SEZ6L2: variants seen among roughly 807,000 people sequenced by gnomAD.
SEZ6L2 encodes the protein seizure related 6 homolog like 2, also known as seizure 6-like protein 2.
In SEZ6L2, 44 loss-of-function variants were observed where a neutral mutation model predicts 97.0. That is an observed-to-expected ratio of 0.45 (90% CI 0.36 to 0.58). SEZ6L2 has a LOEUF of 0.58. SEZ6L2 is among the 20% of genes least tolerant of loss of function. SEZ6L2 has a pLI of 0.00. For synonymous variants in SEZ6L2, 543 were observed against 546.1 expected (o/e 0.99, Z 0.08); for missense variants, 1,086 against 1,233.3 (o/e 0.88, Z 1.79).
At chr16:29,893,647 C>CA (rs1313483790) in intron 5 of SEZ6L2, among the ~76,000 whole-genome samples, 9,530 of 80,566 alleles carry the variant, frequency 0.12, 538 homozygotes, top group East Asian at 0.41. Flanking sequence ...GACTCTGTCT[C>CA]AAAAAAAAAA....
In SEZ6L2 at chr16:29,888,729, C is replaced by A; in HGVS notation, c.854-4G>T. On this transcript the variant is annotated splice_polypyrimidine_tract_variant and splice_region_variant and intron_variant, in intron 5 of 17. Transcript: ENST00000617533. The stretch of plus-strand genomic sequence containing the variant: ...AAGCCACAGCTCAGGAGGTAGGCTG[C>A]ACCAGACAGACAGCGGGTAGCAGGG... 6.2e-7 allele frequency: 1 copy of A among 1,608,300 alleles called. No homozygotes were observed. The highest frequency in any genetic ancestry group is 8.5e-7 in the Non-Finnish European group (1 of 1,177,094).
At chr16:29,887,609 G>A in intron 7 of SEZ6L2, 40 bp downstream of exon 7, 2 of 1,515,672 alleles carry the variant, frequency 1.3e-6, no homozygotes, top group South Asian at 1.3e-5. Context: ...ACCATGCCCG[G>A]CCAAGGTGGG....
At chr16:29,878,252 A>G (rs369065029) in intron 10 of SEZ6L2, 35 bp downstream of exon 10, 1 of 1,555,000 alleles carries the variant, frequency 6.4e-7, no homozygotes, top group Non-Finnish European at 8.7e-7. Context: ...TGCTGAGCCT[A>G]CACCCGTCGC....
chr16:29,884,524 G>A (rs892693158), intron 8 of SEZ6L2, among the ~76,000 whole-genome samples: 1 of 150,228 alleles, frequency 6.7e-6, no homozygotes, highest in Admixed American at 6.6e-5. Context: ...CCTGGAGGAG[G>A]GGGGCTGCAG....
chr16:29,872,662 C>T, intron 15 of SEZ6L2, 43 bp downstream of exon 15: 1 of 1,609,578 alleles, frequency 6.2e-7, no homozygotes, highest in Non-Finnish European at 8.5e-7. Context: ...GCCTTGCCCT[C>T]CCAACCTGGC....
chr16:29,885,069 G>A (rs8051833), intron 8 of SEZ6L2, among the ~76,000 whole-genome samples: 43,479 of 149,530 alleles, frequency 0.29, 6,545 homozygotes, highest in Non-Finnish European at 0.34. Context: ...TTAGTCGGGC[G>A]CGGTGGCGGG....
chr16:29,890,743 CTTTTTTTTTTT>C (rs71143763), intron 5 of SEZ6L2, among the ~76,000 whole-genome samples: 4 of 74,386 alleles, frequency 5.4e-5, no homozygotes, highest in Middle Eastern at 0.022. Context: ...TAACCATTGT[CTTTTTTTTTTT>C]TTTTTTTTTT....
chr16:29,878,763 C>CTTT (rs529820559), intron 9 of SEZ6L2, among the ~76,000 whole-genome samples: 1 of 127,932 alleles, frequency 7.8e-6, no homozygotes, highest in African/African-American at 2.9e-5. Flanking sequence ...TTTCTTTTTT[C>CTTT]TTTTTTTTTT....
At position 29,880,143 on chromosome 16, in the gene SEZ6L2, G is replaced by C. The variant is rs531932104; in HGVS notation, c.1373-79C>G. 9 of 1,397,054 alleles carry C rather than the reference G, an allele frequency of 6.4e-6. No individual in the cohort carries two copies. In the Admixed American group the frequency reaches 2.1e-4, roughly 33 times the overall value. 86.5% of individuals were successfully genotyped at this position (1,397,054 alleles called of 1,614,324 possible). The stretch of plus-strand genomic sequence containing the variant: ...TTAAATTGGGGATGTGGGCTGAATT[G>C]GGGTGTTCTTTGGCCACTCACTGGG... On this transcript the variant is annotated intron_variant, in intron 8 of 17. Transcript: ENST00000617533.
intron 8 of SEZ6L2, among the ~76,000 whole-genome samples, chr16:29,882,489 A>G (rs909839711): frequency 6.6e-6 from 1 of 151,352 alleles, no homozygotes; most frequent in Admixed American, 6.6e-5. Flanking sequence ...AGGCAGGAGA[A>G]CCACTTGAAC....
chr16:29,888,082 C>T (rs1453862183), intron 6 of SEZ6L2, among the ~76,000 whole-genome samples: 3 of 152,058 alleles, frequency 2.0e-5, no homozygotes, highest in Non-Finnish European at 2.9e-5. Flanking sequence ...TCTCCAACTG[C>T]GGATACTCTA....
intron 2 of SEZ6L2, 103 bp downstream of exon 2, chr16:29,897,750 C>A: frequency 1.5e-6 from 2 of 1,338,084 alleles, no homozygotes. Context: ...CTTTCCTCTG[C>A]AGTCTCTCTC....
intron 7 of SEZ6L2, among the ~76,000 whole-genome samples, chr16:29,887,082 G>A (rs1030132782): frequency 6.6e-6 from 1 of 150,988 alleles, no homozygotes; most frequent in Non-Finnish European, 1.5e-5. Context: ...TCAGGAGGCT[G>A]AGGCAGGAGA....
intron 3 of SEZ6L2, among the ~76,000 whole-genome samples, chr16:29,896,562 G>A (rs1426807433): frequency 6.6e-6 from 1 of 152,188 alleles, no homozygotes; most frequent in African/African-American, 2.4e-5. Context: ...ACAGGCTAGA[G>A]CCACCATGTC....
intron 5 of SEZ6L2, among the ~76,000 whole-genome samples, chr16:29,889,455 A>ATG (rs1212079538): frequency 6.6e-6 from 1 of 151,616 alleles, no homozygotes; most frequent in East Asian, 1.9e-4. Flanking sequence ...AAAAAAGATT[A>ATG]TGTGACCTGT....
At chr16:29,887,883 G>A (rs1335772656) in intron 6 of SEZ6L2, 66 bp from the exon 7 acceptor site, 24 of 1,556,614 alleles carry the variant, frequency 1.5e-5, no homozygotes, top group African/African-American at 6.8e-5. Flanking sequence ...TCGGGGCCTC[G>A]GCCCGTTTTC....
chr16:29,879,731 G>T, intron 9 of SEZ6L2, 133 bp downstream of exon 9: 1 of 801,968 alleles, frequency 1.2e-6, no homozygotes, highest in Non-Finnish European at 2.0e-6. Context: ...CCTCTGAAGG[G>T]ACAGGGATTT....
At chr16:29,891,131 G>A (rs538352394) in intron 5 of SEZ6L2, among the ~76,000 whole-genome samples, 9 of 151,984 alleles carry the variant, frequency 5.9e-5, no homozygotes, top group African/African-American at 1.4e-4. Flanking sequence ...TAGTAGAGAC[G>A]GTGTTTCACC....
Position 29,896,994 on chromosome 16 carries a change from C to G in SEZ6L2, c.339G>C (p.Arg113Ser). The change falls in exon 3 of 18, where the codon AGG (arginine) becomes AGC (serine). Residue 113 changes from arginine (R) to serine (S), a missense_variant. Coordinates refer to ENST00000617533, the MANE Select transcript of SEZ6L2 (RefSeq NM_001243332.2). ...GTTCTGGCGCAGTGGGGCCTGCCCCCCTGACCCCGTTAGGGGTGACGGCTG... is the reference window on the plus strand; with the variant it reads ...GTTCTGGCGCAGTGGGGCCTGCCCCGCTGACCCCGTTAGGGGTGACGGCTG... ...LTTAVTPNGV[R>S]GAGPTAPELL... The G allele has an allele frequency of 6.3e-7, 1 of 1,588,742 alleles. No homozygotes were observed. Among genetic ancestry groups the G allele is most frequent in the South Asian group, 1.1e-5 (1 of 88,684 alleles).
Sources: gnomAD v4.1 joint callset for allele counts (sites outside exome capture counted in the v4.1 genomes callset) on GRCh38, gnomAD v4.1.1 for gene constraint, MANE v1.5 for transcripts, NCBI Gene and HGNC (gene_info 2026-07-23, HGNC 2026-07-21) for gene names.